The following ZPBP variants were observed in gnomAD, a reference collection of about 807,000 sequenced individuals.
ZPBP encodes zona pellucida binding protein, also known as zona pellucida-binding protein 1.
ZPBP carries 26 observed loss-of-function variants against 44.8 expected under a neutral mutation model. That is an observed-to-expected ratio of 0.58 (90% CI 0.43 to 0.81). The LOEUF (loss-of-function observed/expected upper bound fraction) is 0.81, where lower values mean the gene tolerates loss of function less well. Among genes scored for constraint, ZPBP ranks in the 30% least tolerant of loss-of-function variants. The pLI is 0.00. For synonymous variants in ZPBP, 174 were observed against 153.2 expected (o/e 1.14, Z -1.00); for missense variants, 409 against 434.0 (o/e 0.94, Z 0.51).
chr7:50,088,476 A>G (rs1329423190), intron 2 of ZPBP, among the ~76,000 whole-genome samples: 1 of 152,084 alleles, frequency 6.6e-6, no homozygotes, highest in Non-Finnish European at 1.5e-5. Flanking sequence ...ACATTAAGAA[A>G]GTGAAAACAC....
chr7:49,878,763 T>A (rs1225496111), intron 2 of ZPBP, among the ~76,000 whole-genome samples: 1 of 152,196 alleles, frequency 6.6e-6, no homozygotes, highest in Non-Finnish European at 1.5e-5. Context: ...TATTTTAATT[T>A]CACATGGGTT....
At chr7:49,851,677 G>A (rs1401572390) in intron 2 of ZPBP, among the ~76,000 whole-genome samples, 1 of 152,182 alleles carries the variant, frequency 6.6e-6, no homozygotes, top group East Asian at 1.9e-4. Context: ...GGCCAACATG[G>A]TGAAACCCTG....
chr7:49,864,622 T>C (rs1273151401), intron 2 of ZPBP, among the ~76,000 whole-genome samples: 1 of 152,220 alleles, frequency 6.6e-6, no homozygotes, highest in Non-Finnish European at 1.5e-5. Context: ...GAGCATCATC[T>C]ACTGCTCTTC....
At chr7:50,025,220 A>T (rs1799270869) in intron 5 of ZPBP, among the ~76,000 whole-genome samples, 1 of 151,910 alleles carries the variant, frequency 6.6e-6, no homozygotes, top group Admixed American at 6.6e-5. Context: ...TGCCAATTTG[A>T]TATATACTTT....
intron 7 of ZPBP, 77 bp downstream of exon 7, chr7:49,983,265 T>C (rs1797108631): frequency 1.7e-6 from 2 of 1,189,478 alleles, no homozygotes; most frequent in Non-Finnish European, 2.5e-6. Flanking sequence ...AAATAAGTGA[T>C]ATGCATTCAC....
At chr7:50,027,856 A>C (rs1455277226) in intron 5 of ZPBP, among the ~76,000 whole-genome samples, 2 of 152,000 alleles carry the variant, frequency 1.3e-5, no homozygotes, top group Non-Finnish European at 2.9e-5. Flanking sequence ...ACCAAAACTG[A>C]CTCAAGAATA....
At chr7:49,881,245 T>G (rs1791650048) in intron 2 of ZPBP, among the ~76,000 whole-genome samples, 1 of 152,136 alleles carries the variant, frequency 6.6e-6, no homozygotes, top group Non-Finnish European at 1.5e-5. Context: ...AGTCCCAGCT[T>G]TCCAGTTCTT....
intron 4 of ZPBP, among the ~76,000 whole-genome samples, chr7:50,031,677 G>C (rs1799614954): frequency 6.6e-6 from 1 of 152,044 alleles, no homozygotes; most frequent in East Asian, 1.9e-4. Flanking sequence ...ACACTATGCT[G>C]CTCAAACTCA....
At chr7:50,038,647 C>T (rs187571533) in intron 4 of ZPBP, among the ~76,000 whole-genome samples, 77 of 152,294 alleles carry the variant, frequency 5.1e-4, no homozygotes, top group Middle Eastern at 3.4e-3. Context: ...GCAACTTCAC[C>T]CCAGAGTTGC....
At chr7:50,046,128 C>T (rs907921295) in intron 4 of ZPBP, among the ~76,000 whole-genome samples, 1 of 152,150 alleles carries the variant, frequency 6.6e-6, no homozygotes, top group Non-Finnish European at 1.5e-5. Context: ...CTTCCTTACA[C>T]CTTGTATAAA....
intron 4 of ZPBP, among the ~76,000 whole-genome samples, chr7:50,056,914 G>C (rs1049018233): frequency 6.6e-6 from 1 of 152,096 alleles, no homozygotes; most frequent in Admixed American, 6.6e-5. Context: ...GGCTAGGTGT[G>C]GTGGCTCATG....
At chr7:50,045,462 C>A (rs1800304001) in intron 4 of ZPBP, among the ~76,000 whole-genome samples, 1 of 152,180 alleles carries the variant, frequency 6.6e-6, no homozygotes, top group Admixed American at 6.5e-5. Flanking sequence ...TCTCAAGATA[C>A]AAAATCAATG....
At chr7:50,040,293 G>GA (rs1800010340) in intron 4 of ZPBP, among the ~76,000 whole-genome samples, 1 of 152,204 alleles carries the variant, frequency 6.6e-6, no homozygotes, top group South Asian at 2.1e-4. Flanking sequence ...AATGTTAAAA[G>GA]ATATACCATG....
intron 4 of ZPBP, among the ~76,000 whole-genome samples, chr7:50,048,363 A>T (rs1464108335): frequency 6.6e-6 from 1 of 152,092 alleles, no homozygotes; most frequent in Non-Finnish European, 1.5e-5. Flanking sequence ...AACACTATAA[A>T]CCAAATAGAT....
chr7:50,084,019 T>C (rs945229831), intron 2 of ZPBP, among the ~76,000 whole-genome samples: 1 of 152,014 alleles, frequency 6.6e-6, no homozygotes, highest in Non-Finnish European at 1.5e-5. Flanking sequence ...CAAATTTGAC[T>C]GTAGGGAGAG....
At chr7:49,945,220 T>C (rs1053907475) in intron 7 of ZPBP, among the ~76,000 whole-genome samples, 1 of 152,182 alleles carries the variant, frequency 6.6e-6, no homozygotes. Flanking sequence ...CTTGATATAA[T>C]TTCAATTTTT....
downstream of ZPBP, among the ~76,000 whole-genome samples, chr7:49,936,788 T>C (rs147919779): frequency 2.0e-5 from 3 of 152,344 alleles, no homozygotes; most frequent in East Asian, 1.9e-4. Context: ...TTCATTTTCA[T>C]AGTGGAAGAA....
chr7:49,932,467 G>A (rs1794480846), downstream of ZPBP, among the ~76,000 whole-genome samples: 1 of 152,224 alleles, frequency 6.6e-6, no homozygotes. Flanking sequence ...TTTTGGACTT[G>A]CATGGGGCCT....
intron 7 of ZPBP, among the ~76,000 whole-genome samples, chr7:49,958,925 A>T (rs1439998975): frequency 6.6e-6 from 1 of 152,214 alleles, no homozygotes; most frequent in East Asian, 1.9e-4. Context: ...AAAAATACAG[A>T]AAAATACTCT....
Sources: allele counts gnomAD v4.1 joint callset (sites outside exome capture counted in the v4.1 genomes callset), GRCh38; gene constraint gnomAD v4.1.1; transcripts MANE v1.5; gene names NCBI Gene and HGNC (gene_info 2026-07-23, HGNC 2026-07-21).